ARID1A: variants seen among roughly 807,000 people sequenced by gnomAD.
ARID1A encodes the protein AT-rich interaction domain 1A.
ARID1A carries 20 observed loss-of-function variants against 212.6 expected under a neutral mutation model. The ratio of observed to expected loss-of-function variants is 0.09; its 90% CI spans 0.07 to 0.14. The LOEUF (loss-of-function observed/expected upper bound fraction) is 0.14, where lower values mean the gene tolerates loss of function less well. ARID1A is among the 10% of genes least tolerant of loss of function. The probability of loss-of-function intolerance (pLI) is 1.00; values close to 1 mark genes in which losing one functional copy is unlikely to be tolerated. For missense variants in ARID1A, 2,587 were observed against 3,059.0 expected (o/e 0.85, Z 3.64); for synonymous variants, 1,376 against 1,222.1 (o/e 1.13, Z -2.63).
chr1:26,777,887 G>T (rs991775367), intron 19 of ARID1A, among the ~76,000 whole-genome samples: 2 of 152,064 alleles, frequency 1.3e-5, no homozygotes, highest in African/African-American at 4.8e-5. Flanking sequence ...GGCCAATATG[G>T]TGAAACTCCA....
At chr1:26,725,036 C>T (rs943282257) in intron 1 of ARID1A, among the ~76,000 whole-genome samples, 2 of 151,580 alleles carry the variant, frequency 1.3e-5, no homozygotes, top group South Asian at 2.1e-4. Flanking sequence ...GCAGGGGGCC[C>T]GACTTTGCTG....
intron 4 of ARID1A, among the ~76,000 whole-genome samples, chr1:26,734,937 AC>A (rs2080714903): frequency 6.6e-6 from 1 of 152,100 alleles, no homozygotes; most frequent in Non-Finnish European, 1.5e-5. Flanking sequence ...CATTCACGTT[AC>A]CTTCCTGGCC....
At chr1:26,767,734 T>C (rs2081051602) in intron 10 of ARID1A, 56 bp from the exon 11 acceptor site, 1 of 1,501,358 alleles carries the variant, frequency 6.7e-7, no homozygotes, top group Non-Finnish European at 9.1e-7. Flanking sequence ...TCTGAGACCC[T>C]TAGCACAGGC....
Position 26,729,876 on chromosome 1 carries a change from T to C in ARID1A, c.1350+13T>C, listed in dbSNP as rs752753919. ...TTATACACAGCAGGTAGATGGTGAT[T>C]GTGATTACCTTGACCCTTGTTGCTG... On this transcript the variant is annotated intron_variant, in intron 2 of 19. Coordinates refer to ENST00000324856, the MANE Select transcript of ARID1A (RefSeq NM_006015.6). The C allele has an allele frequency of 8.1e-6, 13 of 1,610,758 alleles. No individual in the cohort carries two copies. The Admixed American group carries it at 2.2e-4, about 27-fold the overall frequency.
At position 26,696,964 on chromosome 1, in the gene ARID1A, C is replaced by T. The variant is rs987852518; in HGVS notation, c.561C>T (p.Gly187=). The change falls in exon 1 of 20, where the codon GGC becomes GGT. Residue 187 remains glycine, a synonymous_variant. Transcript: ENST00000324856. The part of the protein sequence containing the change: ...QSPGLAALQS[G]GGGGLEPYAG... Reference sequence around the variant, plus strand: ...CTGGCCTGGCAGCGCTGCAGAGCGGCGGCGGCGGGGGCCTGGAGCCCTACG... The same window carrying T: ...CTGGCCTGGCAGCGCTGCAGAGCGGTGGCGGCGGGGGCCTGGAGCCCTACG... 2.0e-6 allele frequency: 3 copies of T among 1,477,382 alleles called. No homozygotes were observed. Among genetic ancestry groups the T allele is most frequent in the Admixed American group, 5.5e-5 (2 of 36,388 alleles). 91.5% of individuals were successfully genotyped at this position (1,477,382 alleles called of 1,614,324 possible). A position where few individuals can be genotyped will look rare whatever the true frequency, so the allele number is the denominator to read the frequency against.
rs2124108347 is a variant in ARID1A, at chr1:26,772,996, T to A, written c.3715+9T>A. The A allele has an allele frequency of 6.2e-7, 1 of 1,600,918 alleles. No homozygotes were observed. Among genetic ancestry groups the A allele is most frequent in the Non-Finnish European group, 8.5e-7 (1 of 1,170,374 alleles). On this transcript the variant is annotated intron_variant, in intron 14 of 19. Coordinates refer to ENST00000324856, the MANE Select transcript of ARID1A (RefSeq NM_006015.6). Reference sequence around the variant, plus strand: ...TGGCAGCATGAGGAAAGGTGACTGATCTGATTGCTATTTGAACTTGTGCTC... The same window carrying A: ...TGGCAGCATGAGGAAAGGTGACTGAACTGATTGCTATTTGAACTTGTGCTC...
chr1:26,698,074 G>A (rs1438503155), intron 1 of ARID1A, among the ~76,000 whole-genome samples: 1 of 152,230 alleles, frequency 6.6e-6, no homozygotes, highest in East Asian at 1.9e-4. Flanking sequence ...GCCGGCTGCG[G>A]TTCACCTAGG....
chr1:26,696,285 G>T lies in ARID1A; in HGVS notation c.-119G>T, dbSNP rs1328299899. 1.7e-6 allele frequency: 2 copies of T among 1,143,962 alleles called. No individual in the cohort carries two copies. Among genetic ancestry groups the T allele is most frequent in the Non-Finnish European group, 2.2e-6 (2 of 921,984 alleles). The allele number at this position is 1,143,962 out of a possible 1,614,324, so 70.9% of individuals were successfully genotyped here. A position where few individuals can be genotyped will look rare whatever the true frequency, so the allele number is the denominator to read the frequency against. On this transcript the variant is annotated 5_prime_UTR_variant, in exon 1 of 20. Coordinates refer to ENST00000324856, the MANE Select transcript of ARID1A (RefSeq NM_006015.6). ...GCGCAGCGCAGCAGCGGAGCCCCGC[G>T]AGGCCCGCCCGGGCGGGTGGGGAGG...
At position 26,779,475 on chromosome 1, in the gene ARID1A, C is replaced by T. The variant is rs140358624; in HGVS notation, c.5577C>T (p.Phe1859=). 34 of 1,614,012 alleles carry T rather than the reference C, an allele frequency of 2.1e-5. No homozygotes were observed. The South Asian group carries it at 2.4e-4, about 11-fold the overall frequency. ...CCACTGAGCATATCCAGACCCACTT[C>T]GAGAGCAAGACAGAGCTGCTGCCTT... ...GDTTEHIQTH[F]ESKTELLPSR... Residue 1859 remains phenylalanine, a synonymous_variant, in exon 20 of 20, where the codon TTC becomes TTT. Coordinates refer to ENST00000324856, the MANE Select transcript of ARID1A (RefSeq NM_006015.6).
chr1:26,720,111 C>T (rs2080546785), intron 1 of ARID1A, among the ~76,000 whole-genome samples: 1 of 151,714 alleles, frequency 6.6e-6, no homozygotes, highest in South Asian at 2.1e-4. Context: ...ATTAGCCGGG[C>T]ATGGTGGCAT....
chr1:26,750,981 A>C (rs2080879283), intron 4 of ARID1A, among the ~76,000 whole-genome samples: 1 of 152,044 alleles, frequency 6.6e-6, no homozygotes, highest in African/African-American at 2.4e-5. Flanking sequence ...GGGGCCGGGC[A>C]TGGTGGCTCA....
In ARID1A at chr1:26,697,381, C is replaced by A. The variant is rs2124744574; in HGVS notation, c.978C>A (p.Gly326=). 1 of 1,315,096 alleles carries A rather than the reference C, an allele frequency of 7.6e-7. No individual in the cohort carries two copies. Among genetic ancestry groups the A allele is most frequent in the African/African-American group, 1.5e-5 (1 of 64,954 alleles). The allele number at this position is 1,315,096 out of a possible 1,614,324, so 81.5% of individuals were successfully genotyped here. A position where few individuals can be genotyped will look rare whatever the true frequency, so the allele number is the denominator to read the frequency against. The change falls in exon 1 of 20, where the codon GGC becomes GGA. Residue 326 remains glycine, a synonymous_variant. Coordinates refer to ENST00000324856, the MANE Select transcript of ARID1A (RefSeq NM_006015.6). ...GCGGGCCCCAGGACGGGGGCGCCGG[C>A]AAGGGCCCGGCGGACATGGCCTCGC... ...YSGGPQDGGA[G]KGPADMASQC... is the part of the protein sequence containing the mutation.
intron 1 of ARID1A, among the ~76,000 whole-genome samples, chr1:26,704,653 C>T (rs2080370383): frequency 6.6e-6 from 1 of 152,042 alleles, no homozygotes; most frequent in South Asian, 2.1e-4. Context: ...AGCCCAGGAC[C>T]AGCCTTGGGA....
chr1:26,704,328 T>A (rs2080366850), intron 1 of ARID1A, among the ~76,000 whole-genome samples: 1 of 152,192 alleles, frequency 6.6e-6, no homozygotes, highest in African/African-American at 2.4e-5. Flanking sequence ...CCTGGACAGC[T>A]CTGTAGTAAT....
chr1:26,769,567 AC>A (rs1213420304), intron 11 of ARID1A: 3 of 152,218 alleles, frequency 2.0e-5, no homozygotes, highest in African/African-American at 7.2e-5. Flanking sequence ...CTCAGGTGTT[AC>A]CCACTCTAAG....
intron 14 of ARID1A, 141 bp from the exon 15 acceptor site, chr1:26,773,205 G>T (rs1415554047): frequency 1.1e-5 from 14 of 1,313,538 alleles, no homozygotes; most frequent in Non-Finnish European, 1.4e-5. Context: ...CGCTGGTTGG[G>T]GCCTCTTTAG....
At position 26,704,741 on chromosome 1, in the gene ARID1A, G is replaced by A. The variant is rs58844310; in HGVS notation, c.1137+7201G>A. On this transcript the variant is annotated intron_variant, in intron 1 of 19. Coordinates refer to ENST00000324856, the MANE Select transcript of ARID1A (RefSeq NM_006015.6). ...GATGTGGTGGTACGTGCCTGTAGTC[G>A]CAGTTTACTTAGAAAGCTGAGGCAG... 5.9e-3 allele frequency among the ~76,000 whole-genome samples: 893 copies of A among 151,820 alleles called. 8 individuals carry two copies. Among genetic ancestry groups the A allele is most frequent in the African/African-American group, 0.02 (841 of 41,364 alleles).
chr1:26,748,396 T>A (rs1240489123), intron 4 of ARID1A, among the ~76,000 whole-genome samples: 1 of 152,158 alleles, frequency 6.6e-6, no homozygotes, highest in Non-Finnish European at 1.5e-5. Flanking sequence ...GTTCTAAGAT[T>A]ATAGCTGATG....
At chr1:26,713,716 G>A (rs1489605735) in intron 1 of ARID1A, among the ~76,000 whole-genome samples, 2 of 152,158 alleles carry the variant, frequency 1.3e-5, no homozygotes, top group Non-Finnish European at 2.9e-5. Flanking sequence ...GGCAGGAAAT[G>A]TCTATGTCTG....
Sources: allele counts gnomAD v4.1 joint callset (sites outside exome capture counted in the v4.1 genomes callset), GRCh38; gene constraint gnomAD v4.1.1; transcripts MANE v1.5; gene names NCBI Gene and HGNC (gene_info 2026-07-23, HGNC 2026-07-21).